UNC13C: variants seen among roughly 807,000 people sequenced by gnomAD.
UNC13C encodes the protein unc-13 homolog C, also known as protein unc-13 homolog C.
In UNC13C, 174 loss-of-function variants were observed where a neutral mutation model predicts 245.4. The ratio of observed to expected loss-of-function variants is 0.71; its 90% CI spans 0.63 to 0.80. UNC13C has a LOEUF of 0.80. Among genes scored for constraint, UNC13C ranks in the 30% least tolerant of loss-of-function variants. The pLI is 0.00. For missense variants in UNC13C, 2,829 were observed against 2,602.9 expected (o/e 1.09, Z -1.89); for synonymous variants, 992 against 895.1 (o/e 1.11, Z -1.93).
At chr15:54,452,052 G>T (rs1334439213) in intron 19 of UNC13C, among the ~76,000 whole-genome samples, 1 of 152,218 alleles carries the variant, frequency 6.6e-6, no homozygotes. Flanking sequence ...TGGTATCTGT[G>T]ATTTCCTCAG....
chr15:54,466,362 G>C (rs1232123816), intron 19 of UNC13C, among the ~76,000 whole-genome samples: 1 of 151,928 alleles, frequency 6.6e-6, no homozygotes, highest in Non-Finnish European at 1.5e-5. Context: ...GTAAATGACT[G>C]AGGTGATGTA....
At chr15:54,471,346 T>C (rs561774185) in intron 19 of UNC13C, among the ~76,000 whole-genome samples, 1 of 151,812 alleles carries the variant, frequency 6.6e-6, no homozygotes, top group South Asian at 2.1e-4. Context: ...TTCAGATCTC[T>C]TAATGAGATC....
chr15:54,193,287 T>G (rs1467988684), intron 4 of UNC13C, among the ~76,000 whole-genome samples: 1 of 152,204 alleles, frequency 6.6e-6, no homozygotes, highest in Non-Finnish European at 1.5e-5. Flanking sequence ...TGGTCACTTA[T>G]GACCATGTGA....
At chr15:54,093,770 A>G (rs967786354) in intron 2 of UNC13C, among the ~76,000 whole-genome samples, 1 of 152,198 alleles carries the variant, frequency 6.6e-6, no homozygotes. Context: ...GAAAAGTCAC[A>G]TTCAGCTTTT....
intron 12 of UNC13C, among the ~76,000 whole-genome samples, chr15:54,298,707 G>A (rs756324386): frequency 6.6e-6 from 1 of 152,086 alleles, no homozygotes; most frequent in African/African-American, 2.4e-5. Flanking sequence ...TCTATCAAAT[G>A]TTTGTCGCTG....
chr15:53,966,177 C>T, the UNC13C span, among the ~76,000 whole-genome samples: 1 of 152,078 alleles, frequency 6.6e-6, no homozygotes, highest in Non-Finnish European at 1.5e-5. Flanking sequence ...TTGACATATT[C>T]TTCTATTTAT....
chr15:54,229,621 T>A (rs2035492382), intron 4 of UNC13C, among the ~76,000 whole-genome samples: 1 of 152,226 alleles, frequency 6.6e-6, no homozygotes. Flanking sequence ...ATAGTTATAT[T>A]TATGGGGTGA....
rs549432584 is a variant in UNC13C, at chr15:54,485,202, T to C, written c.4934-9406T>C. Among the ~76,000 whole-genome samples the C allele has an allele frequency of 1.4e-4, 21 of 152,296 alleles. No homozygotes were observed. The East Asian group carries it at 3.7e-3, about 27-fold the overall frequency. ...GATCCACTTCATTCCCAGTAAGACC[T>C]AGAAGAAAATGAAGAAATGGAAATG... On this transcript the variant is annotated intron_variant, in intron 19 of 32. Coordinates refer to ENST00000260323, the MANE Select transcript of UNC13C (RefSeq NM_001080534.3).
intron 24 of UNC13C, among the ~76,000 whole-genome samples, chr15:54,520,965 T>C (rs1194094183): frequency 6.6e-6 from 1 of 152,186 alleles, no homozygotes; most frequent in African/African-American, 2.4e-5. Context: ...TCTCTTTCAT[T>C]GTCTGTTGTT....
chr15:54,273,721 A>T (rs1405719541), intron 10 of UNC13C, among the ~76,000 whole-genome samples: 2 of 152,190 alleles, frequency 1.3e-5, no homozygotes, highest in Non-Finnish European at 2.9e-5. Context: ...TTACACTACA[A>T]CCAACTGATC....
chr15:53,942,220 C>A, the UNC13C span, among the ~76,000 whole-genome samples: 1 of 151,930 alleles, frequency 6.6e-6, no homozygotes, highest in Non-Finnish European at 1.5e-5. Flanking sequence ...TACTATGCAC[C>A]CATAAAAAGG....
At chr15:53,951,257 C>G in the UNC13C span, among the ~76,000 whole-genome samples, 3 of 152,232 alleles carry the variant, frequency 2.0e-5, no homozygotes, top group Non-Finnish European at 4.4e-5. Context: ...AGTCAGCATA[C>G]AAGCTGAATT....
chr15:54,455,211 A>ACCC (rs1567289138), intron 19 of UNC13C, among the ~76,000 whole-genome samples: 782 of 37,240 alleles, frequency 0.021, 68 homozygotes, highest in African/African-American at 0.068. Flanking sequence ...CTCTCTATAT[A>ACCC]TATATATATA....
intron 30 of UNC13C, among the ~76,000 whole-genome samples, chr15:54,568,499 A>G (rs1447232973): frequency 6.6e-6 from 1 of 152,134 alleles, no homozygotes; most frequent in African/African-American, 2.4e-5. Context: ...GATATGTTTC[A>G]TGTGTCAAAG....
At chr15:53,952,217 G>C in the UNC13C span, among the ~76,000 whole-genome samples, 32 of 152,282 alleles carry the variant, frequency 2.1e-4, no homozygotes, top group African/African-American at 7.0e-4. Flanking sequence ...CCCTAAAGGT[G>C]TGCTGATCTG....
At chr15:54,477,980 T>G (rs1412080879) in intron 19 of UNC13C, among the ~76,000 whole-genome samples, 1 of 149,314 alleles carries the variant, frequency 6.7e-6, no homozygotes, top group Non-Finnish European at 1.5e-5. Flanking sequence ...ATTGCCACAA[T>G]TTCAGATCCT....
chr15:54,324,346 G>T (rs1050866225), intron 14 of UNC13C, among the ~76,000 whole-genome samples: 1 of 152,050 alleles, frequency 6.6e-6, no homozygotes, highest in Non-Finnish European at 1.5e-5. Flanking sequence ...CACACATTTT[G>T]AGACTCCAAA....
chr15:53,890,302 C>A, the UNC13C span, among the ~76,000 whole-genome samples: 1 of 152,076 alleles, frequency 6.6e-6, no homozygotes, highest in Non-Finnish European at 1.5e-5. Flanking sequence ...CCATCACGCC[C>A]AGCTAATTTT....
chr15:54,225,542 T>C (rs1332186335), intron 4 of UNC13C, among the ~76,000 whole-genome samples: 2 of 152,226 alleles, frequency 1.3e-5, no homozygotes, highest in Non-Finnish European at 2.9e-5. Flanking sequence ...TTAGCTGTAT[T>C]CCTGGGTATT....
Sources: allele counts gnomAD v4.1 joint callset (sites outside exome capture counted in the v4.1 genomes callset), GRCh38; gene constraint gnomAD v4.1.1; transcripts MANE v1.5; gene names NCBI Gene and HGNC (gene_info 2026-07-23, HGNC 2026-07-21).